The following MR1 variants were observed in gnomAD, a reference collection of about 807,000 sequenced individuals.
MR1 encodes major histocompatibility complex, class I-related, also known as major histocompatibility complex class I-related protein 1.
MR1 carries 44 observed loss-of-function variants against 37.8 expected under a neutral mutation model. The observed-to-expected ratio is 1.16, with a 90% CI of 0.91 to 1.50. The LOEUF (loss-of-function observed/expected upper bound fraction) is 1.50. Among genes scored for constraint, MR1 ranks in the 40% most tolerant of loss-of-function variants. MR1 has a pLI of 0.00. For synonymous variants in MR1, 153 were observed against 155.8 expected (o/e 0.98, Z 0.13); for missense variants, 386 against 419.1 (o/e 0.92, Z 0.69).
intron 1 of MR1, among the ~76,000 whole-genome samples, chr1:181,045,636 T>G (rs1262532365): frequency 6.6e-6 from 1 of 152,080 alleles, no homozygotes; most frequent in Admixed American, 6.5e-5. Context: ...CCACACCAGC[T>G]TGGATCCCAT....
Position 181,061,336 on chromosome 1 carries a change from C to T in MR1, c.*6071C>T, listed in dbSNP as rs1478340278. 6.6e-6 allele frequency: 1 copy of T among 152,224 alleles called. No individual in the cohort carries two copies. The highest frequency in any genetic ancestry group is 1.5e-5 in the Non-Finnish European group (1 of 68,042). The allele number at this position is 152,224 out of a possible 1,614,324, so 9.4% of individuals were successfully genotyped here. A position where few individuals can be genotyped will look rare whatever the true frequency, so the allele number is the denominator to read the frequency against. ...GAGGACGCCAGCCCAGGCCAGGTCA[C>T]CCGGCTTGGCCAGCAGAACACAGAG... On this transcript the variant is annotated 3_prime_UTR_variant, in exon 6 of 6. Transcript: ENST00000367580.
At position 181,045,694 on chromosome 1, in the gene MR1, G is replaced by A. The variant is rs144666950; in HGVS notation, c.68-3358G>A. Reference sequence around the variant, plus strand: ...CTGGCAGTCCTCACAGCCCTAGCTCGCTCTTGGCGCCTCCGCTGCCTGGGC... The same window carrying A: ...CTGGCAGTCCTCACAGCCCTAGCTCACTCTTGGCGCCTCCGCTGCCTGGGC... On this transcript the variant is annotated intron_variant, in intron 1 of 5. Transcript: ENST00000367580. 4.0e-3 allele frequency among the ~76,000 whole-genome samples: 616 copies of A among 152,318 alleles called. 14 individuals carry two copies. The East Asian group carries it at 0.058, about 14-fold the overall frequency.
intron 1 of MR1, 129 bp downstream of exon 1, chr1:181,034,203 C>CT (rs1657156133): frequency 2.7e-6 from 2 of 727,426 alleles, no homozygotes. Context: ...GTATTACACT[C>CT]AGACTCCAGG....
intron 1 of MR1, among the ~76,000 whole-genome samples, chr1:181,046,036 G>T (rs1010363875): frequency 3.9e-5 from 6 of 152,226 alleles, no homozygotes; most frequent in Non-Finnish European, 8.8e-5. Flanking sequence ...GCTGCAGCTC[G>T]ATTTCTCGCC....
In MR1 at chr1:181,037,295, CAA is replaced by C. The variant is rs1657326942; in HGVS notation, c.67+3223_67+3224del. On this transcript the variant is annotated intron_variant, in intron 1 of 5. Coordinates refer to ENST00000367580, the MANE Select transcript of MR1 (RefSeq NM_001385161.1). ...ATCTGCTTAGAAGTGACCTTGAGTTCAAAGAGTTAACATGAGAAAATATGGGC... is the reference window on the plus strand; with the variant it reads ...ATCTGCTTAGAAGTGACCTTGAGTTCAGAGTTAACATGAGAAAATATGGGC... Among the ~76,000 whole-genome samples the C allele has an allele frequency of 2.6e-5, 4 of 152,156 alleles. No individual in the cohort carries two copies. In the South Asian group the frequency reaches 8.3e-4, roughly 32 times the overall value.
chr1:181,034,206 A>C, intron 1 of MR1, 132 bp downstream of exon 1: 1 of 631,076 alleles, frequency 1.6e-6, no homozygotes, highest in South Asian at 2.6e-5. Flanking sequence ...TTACACTCAG[A>C]CTCCAGGAGC....
chr1:181,045,110 T>G (rs1657779520), intron 1 of MR1, among the ~76,000 whole-genome samples: 1 of 152,266 alleles, frequency 6.6e-6, no homozygotes, highest in African/African-American at 2.4e-5. Flanking sequence ...TATCTGGATC[T>G]CTGGTATGTG....
intron 1 of MR1, among the ~76,000 whole-genome samples, chr1:181,040,351 G>T (rs561659156): frequency 6.6e-6 from 1 of 152,280 alleles, no homozygotes; most frequent in African/African-American, 2.4e-5. Flanking sequence ...CTTTCCAAAT[G>T]ATTCGAAATC....
intron 4 of MR1, among the ~76,000 whole-genome samples, chr1:181,052,979 C>T (rs1015842651): frequency 1.3e-5 from 2 of 151,982 alleles, no homozygotes; most frequent in East Asian, 3.9e-4. Flanking sequence ...GCAGGAGAAT[C>T]GCTTGAACCT....
intron 1 of MR1, among the ~76,000 whole-genome samples, chr1:181,047,010 C>T (rs997489751): frequency 2.0e-5 from 3 of 152,098 alleles, no homozygotes; most frequent in Non-Finnish European, 2.9e-5. Flanking sequence ...ACACTCACCG[C>T]GAGGGTCCAC....
Position 181,034,043 on chromosome 1 carries a change from CATT to C in MR1, c.37_39del (p.Ile13del). On this transcript the variant is annotated inframe_deletion, in exon 1 of 6. Coordinates refer to ENST00000367580, the MANE Select transcript of MR1 (RefSeq NM_001385161.1). ...TGATGGCGTTCCTGTTACCTCTCAT[CATT>C]GTGTTAATGGTGAAGCACAGCGATT... is the stretch of plus-strand genomic sequence containing the variant. The C allele has an allele frequency of 1.2e-6, 2 of 1,613,294 alleles. No homozygotes were observed. Among genetic ancestry groups the C allele is most frequent in the Non-Finnish European group, 8.5e-7 (1 of 1,179,756 alleles).
At chr1:181,043,149 A>G (rs1336321241) in intron 1 of MR1, among the ~76,000 whole-genome samples, 2 of 152,192 alleles carry the variant, frequency 1.3e-5, no homozygotes, top group African/African-American at 4.8e-5. Flanking sequence ...AGAGGCTCTC[A>G]TGACTACCCC....
chr1:181,057,922 AC>A lies in MR1; in HGVS notation c.*2659del. On this transcript the variant is annotated 3_prime_UTR_variant, in exon 6 of 6. Coordinates refer to ENST00000367580, the MANE Select transcript of MR1 (RefSeq NM_001385161.1). ...CTACTCGGGAGTCTGAGGCAGAAGA[AC>A]CGCTTGAACCCGGGAGGCAGAGGTT... 1 of 152,222 alleles carries A rather than the reference AC, an allele frequency of 6.6e-6. No individual in the cohort carries two copies. The highest frequency in any genetic ancestry group is 1.5e-5 in the Non-Finnish European group (1 of 68,080). 9.4% of individuals were successfully genotyped at this position (152,222 alleles called of 1,614,324 possible). A position where few individuals can be genotyped will look rare whatever the true frequency, so the allele number is the denominator to read the frequency against.
chr1:181,057,023 G>A lies in MR1; in HGVS notation c.*1758G>A, dbSNP rs1658656655. 6.6e-6 allele frequency: 1 copy of A among 152,252 alleles called. No individual in the cohort carries two copies. The highest frequency in any genetic ancestry group is 1.5e-5 in the Non-Finnish European group (1 of 68,164). 9.4% of individuals were successfully genotyped at this position (152,252 alleles called of 1,614,324 possible). On this transcript the variant is annotated 3_prime_UTR_variant, in exon 6 of 6. Transcript: ENST00000367580. ...TAGTCCCAGCTACTTGGGAGGCTAA[G>A]GCAGGAGAATCACTTGAATCTATAA...
intron 1 of MR1, among the ~76,000 whole-genome samples, chr1:181,047,959 T>C (rs1395616806): frequency 1.4e-5 from 2 of 146,820 alleles, no homozygotes; most frequent in African/African-American, 5.1e-5. Flanking sequence ...GGCTCACGCC[T>C]GTAATCCCAG....
At chr1:181,052,213 A>G in intron 3 of MR1, 22 bp from the exon 4 acceptor site, 3 of 1,610,146 alleles carry the variant, frequency 1.9e-6, no homozygotes, top group Non-Finnish European at 2.5e-6. Context: ...ACTTTGATTT[A>G]ACTTTAGCTT....
intron 4 of MR1, among the ~76,000 whole-genome samples, chr1:181,053,238 T>G (rs1362195448): frequency 1.3e-5 from 2 of 151,692 alleles, no homozygotes; most frequent in African/African-American, 2.4e-5. Context: ...AACAATTAGC[T>G]GGGCATGATG....
chr1:181,056,632 G>C lies in MR1; in HGVS notation c.*1367G>C, dbSNP rs531597120. 2.2e-4 allele frequency: 34 copies of C among 152,512 alleles called. No individual in the cohort carries two copies. Among genetic ancestry groups the C allele is most frequent in the African/African-American group, 7.5e-4 (31 of 41,516 alleles). 9.4% of individuals were successfully genotyped at this position (152,512 alleles called of 1,614,324 possible). A position where few individuals can be genotyped will look rare whatever the true frequency, so the allele number is the denominator to read the frequency against. On this transcript the variant is annotated 3_prime_UTR_variant, in exon 6 of 6. Coordinates refer to ENST00000367580, the MANE Select transcript of MR1 (RefSeq NM_001385161.1). ...CTGCCATGTGGAGCTACTTGCCCTGGGGCTGCCAGTCACACATTCCTCGGT... is the reference window on the plus strand; with the variant it reads ...CTGCCATGTGGAGCTACTTGCCCTGCGGCTGCCAGTCACACATTCCTCGGT...
At chr1:181,033,928 G>T, upstream of MR1, 1 of 1,180,058 alleles carries the variant, frequency 8.5e-7, no homozygotes, top group Non-Finnish European at 1.2e-6. Context: ...CTTATTGGGA[G>T]AAGGCCTTGT....
Sources: allele counts gnomAD v4.1 joint callset (sites outside exome capture counted in the v4.1 genomes callset), GRCh38; gene constraint gnomAD v4.1.1; transcripts MANE v1.5; gene names NCBI Gene and HGNC (gene_info 2026-07-23, HGNC 2026-07-21).